Variants in TGFA observed in about 807,000 individuals in gnomAD.
TGFA encodes transforming growth factor alpha.
TGFA carries 12 observed loss-of-function variants against 21.7 expected under a neutral mutation model. The observed-to-expected ratio is 0.55, with a 90% CI of 0.35 to 0.90. The LOEUF is 0.90. Among genes scored for constraint, TGFA ranks in the 40% least tolerant of loss-of-function variants. The probability of loss-of-function intolerance (pLI) is 0.01; values close to 1 mark genes in which losing one functional copy is unlikely to be tolerated. For missense variants in TGFA, 178 were observed against 210.8 expected, an observed-to-expected ratio of 0.84 and a Z score of 0.96; for synonymous variants, 79 against 88.1, an observed-to-expected ratio of 0.90 and a Z score of 0.58.
chr2:70,489,922 T>C (rs1179058238), intron 2 of TGFA, among the ~76,000 whole-genome samples: 3 of 152,076 alleles, frequency 2.0e-5, no homozygotes, highest in Non-Finnish European at 4.4e-5. Context: ...GTAGCTCTGG[T>C]TTACCGCCTT....
At position 70,447,557 on chromosome 2, in the gene TGFA, C is replaced by T. The variant is rs1470865361; in HGVS notation, c.*3302G>A. On this transcript the variant is annotated 3_prime_UTR_variant, in exon 6 of 6. Transcript: ENST00000295400. ...AGTAAGGAGTTCTAAAAAAAAGCAT[C>T]AGGTTTATTATAATAAAGATAATGA... 1 of 152,410 alleles carries T rather than the reference C, an allele frequency of 6.6e-6. No individual in the cohort carries two copies. Among genetic ancestry groups the T allele is most frequent in the Non-Finnish European group, 1.5e-5 (1 of 67,996 alleles). The allele number at this position is 152,410 out of a possible 1,614,324, so 9.4% of individuals were successfully genotyped here.
intron 1 of TGFA, among the ~76,000 whole-genome samples, chr2:70,545,481 T>C (rs927025937): frequency 1.3e-5 from 2 of 152,122 alleles, no homozygotes; most frequent in African/African-American, 2.4e-5. Flanking sequence ...ATGATGAAAA[T>C]GGAATTTCAA....
At chr2:70,522,736 G>A (rs986151259) in intron 1 of TGFA, among the ~76,000 whole-genome samples, 1 of 152,110 alleles carries the variant, frequency 6.6e-6, no homozygotes, top group Non-Finnish European at 1.5e-5. Context: ...TAAGTTCAGG[G>A]GTACACGTGC....
intron 1 of TGFA, among the ~76,000 whole-genome samples, chr2:70,518,852 G>T (rs58431844): frequency 0.025 from 3,792 of 152,292 alleles, 165 homozygotes; most frequent in African/African-American, 0.086. Context: ...GCTGGGGTTT[G>T]CTTTCAGGCC....
chr2:70,499,785 A>G (rs1461272076), intron 2 of TGFA, among the ~76,000 whole-genome samples: 2 of 152,166 alleles, frequency 1.3e-5, no homozygotes, highest in African/African-American at 4.8e-5. Flanking sequence ...CTGCAGCACA[A>G]TATTGGGGTG....
intron 2 of TGFA, among the ~76,000 whole-genome samples, chr2:70,472,724 T>C (rs1441359465): frequency 6.6e-6 from 1 of 152,252 alleles, no homozygotes; most frequent in Non-Finnish European, 1.5e-5. Flanking sequence ...CATGCTGTGC[T>C]GGTCAGCGGG....
intron 2 of TGFA, among the ~76,000 whole-genome samples, chr2:70,508,360 G>A (rs1042150147): frequency 1.3e-5 from 2 of 152,180 alleles, no homozygotes; most frequent in Non-Finnish European, 2.9e-5. Flanking sequence ...CAGGAGAATC[G>A]CTTGAATCTG....
rs573611991 is a variant in TGFA, at chr2:70,493,861, G to A, written c.94+20998C>T. On this transcript the variant is annotated intron_variant, in intron 2 of 5. Coordinates refer to ENST00000295400, the MANE Select transcript of TGFA (RefSeq NM_003236.4). The stretch of plus-strand genomic sequence containing the variant: ...AACTTCCCACTCAGGACCAACTCGT[G>A]TATACGCTCTACATTAGTACAAATT... Among the ~76,000 whole-genome samples, 5 of 152,320 alleles carry A rather than the reference G, an allele frequency of 3.3e-5. No homozygotes were observed. In the East Asian group the frequency reaches 7.7e-4, roughly 24 times the overall value.
At chr2:70,518,525 T>C (rs1672355253) in intron 1 of TGFA, among the ~76,000 whole-genome samples, 1 of 152,166 alleles carries the variant, frequency 6.6e-6, no homozygotes, top group South Asian at 2.1e-4. Context: ...TCCCCAGAAG[T>C]GGAGCCATCC....
chr2:70,514,873 G>T lies in TGFA; in HGVS notation c.80C>A (p.Thr27Lys), dbSNP rs138392270. 1 of 1,613,918 alleles carries T rather than the reference G, an allele frequency of 6.2e-7. No individual in the cohort carries two copies. The highest frequency in any genetic ancestry group is 8.5e-7 in the Non-Finnish European group (1 of 1,180,002). The change falls in exon 2 of 6, where the codon ACG (threonine) becomes AAG (lysine). Residue 27 changes from threonine to lysine, a missense_variant. By Grantham distance (78) the Thr-to-Lys change is moderately conservative. Coordinates refer to ENST00000295400, the MANE Select transcript of TGFA (RefSeq NM_003236.4). ...GCTGCACTCACCACTCAGCGGGGAC[G>T]TGCTGTTCTCCAAGGCCTGGCACGC... Reference protein sequence around the residue: ...LAACQALENSTSPLSADPPVA... With the variant: ...LAACQALENSKSPLSADPPVA...
intron 2 of TGFA, among the ~76,000 whole-genome samples, chr2:70,476,943 G>A (rs1254184912): frequency 6.6e-6 from 1 of 152,292 alleles, no homozygotes; most frequent in East Asian, 1.9e-4. Flanking sequence ...TATTCAAGAG[G>A]AAAGAAGCTG....
chr2:70,468,726 A>T (rs781918784), intron 2 of TGFA, among the ~76,000 whole-genome samples: 3 of 152,204 alleles, frequency 2.0e-5, no homozygotes, highest in Non-Finnish European at 4.4e-5. Flanking sequence ...ATGAGAATCT[A>T]ATACTTGATG....
intron 2 of TGFA, among the ~76,000 whole-genome samples, chr2:70,488,800 C>A (rs1053764001): frequency 1.3e-5 from 2 of 152,216 alleles, no homozygotes; most frequent in African/African-American, 4.8e-5. Flanking sequence ...TTCCTAGTCA[C>A]AAATGTGCTA....
At chr2:70,460,339 C>T (rs1376196907) in intron 3 of TGFA, among the ~76,000 whole-genome samples, 1 of 151,074 alleles carries the variant, frequency 6.6e-6, no homozygotes, top group Non-Finnish European at 1.5e-5. Context: ...CTCAGCTGCT[C>T]TTTATGACGG....
chr2:70,516,424 C>T (rs1672280682), intron 1 of TGFA, among the ~76,000 whole-genome samples: 1 of 152,216 alleles, frequency 6.6e-6, no homozygotes, highest in South Asian at 2.1e-4. Flanking sequence ...CTTCCAACCT[C>T]TGAAATGAGA....
At chr2:70,502,742 G>A (rs376247481) in intron 2 of TGFA, among the ~76,000 whole-genome samples, 2 of 152,048 alleles carry the variant, frequency 1.3e-5, no homozygotes, top group African/African-American at 4.8e-5. Flanking sequence ...AGGCCATCTT[G>A]GTATTTCAGA....
intron 2 of TGFA, among the ~76,000 whole-genome samples, chr2:70,508,846 C>A (rs1369607483): frequency 6.6e-6 from 1 of 152,172 alleles, no homozygotes; most frequent in African/African-American, 2.4e-5. Context: ...TTTAAGAGGT[C>A]TGTTAAGGTG....
chr2:70,499,947 CT>C (rs1206409603), intron 2 of TGFA, among the ~76,000 whole-genome samples: 1 of 152,136 alleles, frequency 6.6e-6, no homozygotes, highest in East Asian at 1.9e-4. Context: ...TAGTAGCCAC[CT>C]TTAGGATAAA....
At chr2:70,526,543 C>T (rs1672641656) in intron 1 of TGFA, among the ~76,000 whole-genome samples, 3 of 152,156 alleles carry the variant, frequency 2.0e-5, no homozygotes, top group Non-Finnish European at 4.4e-5. Context: ...TCGAGACAAA[C>T]CAGTAAGGAA....
Sources: gnomAD v4.1 joint callset for allele counts (sites outside exome capture counted in the v4.1 genomes callset) on GRCh38, gnomAD v4.1.1 for gene constraint, MANE v1.5 for transcripts, NCBI Gene and HGNC (gene_info 2026-07-23, HGNC 2026-07-21) for gene names.